Variants in DPH6 observed in about 807,000 individuals in gnomAD.
DPH6 encodes the protein diphthamine biosynthesis 6, also known as diphthine--ammonia ligase.
A neutral mutation model predicts 38.2 loss-of-function variants in DPH6; 33 were observed. The observed-to-expected ratio is 0.86, with a 90% CI of 0.65 to 1.15. The LOEUF (loss-of-function observed/expected upper bound fraction) is 1.15. Among genes scored for constraint, DPH6 ranks in the 50% most tolerant of loss-of-function variants. The pLI is 0.00. For missense variants in DPH6, 325 were observed against 320.0 expected (o/e 1.02, Z -0.12); for synonymous variants, 108 against 103.0 (o/e 1.05, Z -0.30).
intron 6 of DPH6, among the ~76,000 whole-genome samples, chr15:35,387,117 G>A (rs1038585714): frequency 2.6e-5 from 4 of 152,168 alleles, no homozygotes; most frequent in African/African-American, 9.7e-5. Flanking sequence ...CCCATTGCTT[G>A]TTTTTGTCAG....
At chr15:35,269,680 C>T (rs901547637) in intron 3 of DPH6, among the ~76,000 whole-genome samples, 7 of 151,142 alleles carry the variant, frequency 4.6e-5, no homozygotes, top group South Asian at 2.1e-4. Context: ...CCTCGTGATC[C>T]GCCCGCCTCG....
rs113342947 is a variant in DPH6 at position 35,538,326 on chromosome 15, T to C, written c.260A>G (p.Lys87Arg). ...RSLDTRQVYTKCEGDEVEDLY... is the reference protein window; with the variant it reads ...RSLDTRQVYTRCEGDEVEDLY... ...ATCTTCAACCTCATCACCTTCACAT[T>C]TGGTGTACACTTGTCTTGTATCCAA... The change falls in exon 3 of 9, where the codon AAA (lysine) becomes AGA (arginine). Residue 87 changes from lysine to arginine, a missense_variant. Lys to Arg is a conservative substitution (Grantham distance 26). Transcript: ENST00000256538. 1.9e-6 allele frequency: 3 copies of C among 1,604,294 alleles called. No individual in the cohort carries two copies. The highest frequency in any genetic ancestry group is 1.3e-5 in the African/African-American group (1 of 74,910).
chr15:35,161,268 G>A, the DPH6 span, among the ~76,000 whole-genome samples: 24 of 151,822 alleles, frequency 1.6e-4, 1 homozygote, highest in Admixed American at 9.2e-4. Context: ...TACTGAATCC[G>A]CCAACTCTTT....
intron 3 of DPH6, among the ~76,000 whole-genome samples, chr15:35,512,861 T>C (rs2054794078): frequency 6.6e-6 from 1 of 152,150 alleles, no homozygotes; most frequent in Non-Finnish European, 1.5e-5. Flanking sequence ...ATTCTGCATC[T>C]GGAAATGCAT....
intron 5 of DPH6, among the ~76,000 whole-genome samples, chr15:35,438,131 G>T (rs996198978): frequency 8.5e-5 from 13 of 152,160 alleles, no homozygotes; most frequent in African/African-American, 3.1e-4. Context: ...TATATTTAAA[G>T]ACCTTTATAT....
At chr15:35,190,242 A>T in the DPH6 span, among the ~76,000 whole-genome samples, 2 of 152,250 alleles carry the variant, frequency 1.3e-5, no homozygotes, top group Non-Finnish European at 2.9e-5. Flanking sequence ...CTGCCTAGAC[A>T]GAGCCGATTT....
rs183053331 is a variant in DPH6 at position 35,315,786 on chromosome 15, C to T, written n.200+57735G>A. Among the ~76,000 whole-genome samples the T allele has an allele frequency of 3.9e-5, 6 of 152,246 alleles. No homozygotes were observed. The East Asian group carries it at 1.2e-3, about 29-fold the overall frequency. On this transcript the variant is annotated intron_variant and non_coding_transcript_variant, in intron 3 of 3. Coordinates refer to the DPH6 transcript ENST00000560386. ...CACAATAGTCAAAATATGGAATCAA[C>T]CTAAGTGTGTATGAACAGATGAACG...
chr15:35,324,367 A>G (rs1164519067), intron 3 of DPH6, among the ~76,000 whole-genome samples: 1 of 152,206 alleles, frequency 6.6e-6, no homozygotes, highest in Non-Finnish European at 1.5e-5. Flanking sequence ...ATGGGAGGGA[A>G]AGATAAACTC....
At chr15:35,303,836 G>T (rs763051157) in intron 3 of DPH6, among the ~76,000 whole-genome samples, 20 of 151,320 alleles carry the variant, frequency 1.3e-4, no homozygotes, top group Non-Finnish European at 2.4e-4. Context: ...TGAGTCCCAG[G>T]ATAAAGTAGG....
At chr15:35,525,110 A>C (rs1389170166) in intron 3 of DPH6, among the ~76,000 whole-genome samples, 1 of 152,210 alleles carries the variant, frequency 6.6e-6, no homozygotes, top group Non-Finnish European at 1.5e-5. Flanking sequence ...AACAGGGAGA[A>C]TATATTACAA....
intron 3 of DPH6, among the ~76,000 whole-genome samples, chr15:35,316,364 T>A (rs2052188671): frequency 1.3e-5 from 2 of 152,114 alleles, no homozygotes. Flanking sequence ...GTGATTAATA[T>A]GTCAAAAATA....
intron 3 of DPH6, among the ~76,000 whole-genome samples, chr15:35,222,042 C>T (rs1381888435): frequency 6.6e-6 from 1 of 152,148 alleles, no homozygotes; most frequent in African/African-American, 2.4e-5. Flanking sequence ...CTCTAGTTTC[C>T]AATACCTTGT....
chr15:35,496,555 C>CAAAAA (rs1180094812), intron 3 of DPH6, among the ~76,000 whole-genome samples: 2 of 49,276 alleles, frequency 4.1e-5, no homozygotes, highest in African/African-American at 1.2e-4. Context: ...AGTTCCATCT[C>CAAAAA]AAAAAAAAAA....
At chr15:35,329,468 A>G (rs1287855979), downstream of DPH6, among the ~76,000 whole-genome samples, 1 of 152,164 alleles carries the variant, frequency 6.6e-6, no homozygotes, top group Non-Finnish European at 1.5e-5. Context: ...TGAATTTCTA[A>G]ATTTAGATTT....
At chr15:35,251,999 C>T (rs2051678246) in intron 3 of DPH6, among the ~76,000 whole-genome samples, 1 of 152,026 alleles carries the variant, frequency 6.6e-6, no homozygotes, top group South Asian at 2.1e-4. Flanking sequence ...ATTAGCTAGG[C>T]GTGGTAGTGG....
intron 3 of DPH6, among the ~76,000 whole-genome samples, chr15:35,300,413 C>T (rs913208963): frequency 1.3e-5 from 2 of 152,070 alleles, no homozygotes; most frequent in Non-Finnish European, 2.9e-5. Flanking sequence ...ATTGTAAAAC[C>T]GTAGAGAAGA....
chr15:35,489,749 C>G, intron 3 of DPH6: 1 of 981,490 alleles, frequency 1.0e-6, no homozygotes, highest in Non-Finnish European at 1.2e-6. Flanking sequence ...TATACAGAAA[C>G]TATAAAGTAT....
chr15:35,467,138 T>C (rs2054136777), intron 3 of DPH6, among the ~76,000 whole-genome samples: 1 of 152,266 alleles, frequency 6.6e-6, no homozygotes, highest in Non-Finnish European at 1.5e-5. Flanking sequence ...ATCTGTTTTT[T>C]ACTCTTTGTA....
intron 3 of DPH6, among the ~76,000 whole-genome samples, chr15:35,321,086 G>T (rs541865039): frequency 6.6e-6 from 1 of 152,254 alleles, no homozygotes; most frequent in Middle Eastern, 3.4e-3. Context: ...ATGACCTCTG[G>T]GCAGTAAGGG....
Sources: gnomAD v4.1 joint callset for allele counts (sites outside exome capture counted in the v4.1 genomes callset) on GRCh38, gnomAD v4.1.1 for gene constraint, MANE v1.5 for transcripts, NCBI Gene and HGNC (gene_info 2026-07-23, HGNC 2026-07-21) for gene names.